Variants in PGAP1 observed in about 807,000 individuals in gnomAD.
The protein encoded by PGAP1 is GPI inositol-deacylase.
In PGAP1, 76 loss-of-function variants were observed where a neutral mutation model predicts 127.0. The ratio of observed to expected loss-of-function variants is 0.60; its 90% CI spans 0.50 to 0.72. PGAP1 has a LOEUF of 0.72. Among genes scored for constraint, PGAP1 ranks in the 30% least tolerant of loss-of-function variants. The pLI is 0.00. For missense variants in PGAP1, 982 were observed against 1,071.3 expected (o/e 0.92, Z 1.16); for synonymous variants, 362 against 366.5 (o/e 0.99, Z 0.14).
intron 21 of PGAP1, chr2:196,847,458 CTTTTTT>C: frequency 7.4e-6 from 1 of 135,896 alleles, no homozygotes; most frequent in Non-Finnish European, 1.5e-5. Flanking sequence ...GTAATATGTT[CTTTTTT>C]TTTTTTTTTT....
chr2:196,898,345 C>T lies in PGAP1; in HGVS notation c.832G>A (p.Val278Ile). Reference protein sequence around the residue: ...VVSSAVPKTWVSTDHLSIVWC... With the variant: ...VVSSAVPKTWISTDHLSIVWC... ...ACAATGGAGAGGTGGTCTGTTGAGACCCAGGTCTTAGGCACTGCTGAACTC... is the reference window on the plus strand; with the variant it reads ...ACAATGGAGAGGTGGTCTGTTGAGATCCAGGTCTTAGGCACTGCTGAACTC... Residue 278 changes from valine to isoleucine, a missense_variant, in exon 6 of 27, where the codon GTC becomes ATC. Coordinates refer to ENST00000354764, the MANE Select transcript of PGAP1 (RefSeq NM_024989.4). The T allele has an allele frequency of 2.5e-6, 4 of 1,611,132 alleles. No homozygotes were observed. Among genetic ancestry groups the T allele is most frequent in the Non-Finnish European group, 3.4e-6 (4 of 1,178,082 alleles).
chr2:196,904,844 G>A (rs940771008), intron 4 of PGAP1, among the ~76,000 whole-genome samples: 1 of 152,150 alleles, frequency 6.6e-6, no homozygotes, highest in African/African-American at 2.4e-5. Context: ...CTGTGGGAAA[G>A]GCTAGGGGCA....
At chr2:196,847,323 T>C (rs985168184) in intron 21 of PGAP1, 123 bp from the exon 22 acceptor site, 2 of 700,648 alleles carry the variant, frequency 2.9e-6, no homozygotes, top group South Asian at 2.3e-5. Flanking sequence ...TTTATAATTA[T>C]ACTGAAAAAC....
intron 21 of PGAP1, chr2:196,847,412 T>C (rs952454051): frequency 1.7e-5 from 7 of 418,994 alleles, no homozygotes; most frequent in Non-Finnish European, 3.0e-5. Flanking sequence ...TGCATTTCAG[T>C]ATAGCTTTAC....
chr2:196,883,041 C>T (rs917005681), intron 12 of PGAP1, among the ~76,000 whole-genome samples: 64 of 152,098 alleles, frequency 4.2e-4, no homozygotes, highest in Admixed American at 4.2e-3. Flanking sequence ...AATACCTAGT[C>T]TACTGAGAGT....
At chr2:196,867,290 C>T (rs1487463884) in intron 19 of PGAP1, among the ~76,000 whole-genome samples, 2 of 152,150 alleles carry the variant, frequency 1.3e-5, no homozygotes, top group East Asian at 3.8e-4. Flanking sequence ...GAATACTATG[C>T]AGCCATAAAA....
At chr2:196,842,959 G>A in intron 25 of PGAP1, 134 bp from the exon 26 acceptor site, 1 of 383,926 alleles carries the variant, frequency 2.6e-6, no homozygotes, top group African/African-American at 2.1e-5. Flanking sequence ...AATAGTTCAT[G>A]AAATATCTGA....
chr2:196,879,957 G>T, intron 13 of PGAP1, 119 bp downstream of exon 13: 1 of 713,948 alleles, frequency 1.4e-6, no homozygotes, highest in Non-Finnish European at 2.4e-6. Context: ...GTCTTAGGTG[G>T]ATCATCAAAC....
intron 2 of PGAP1, among the ~76,000 whole-genome samples, chr2:196,918,117 C>T (rs1703074699): frequency 6.6e-6 from 1 of 152,098 alleles, no homozygotes. Flanking sequence ...CATTCTTGCC[C>T]TTCAAAGGAA....
chr2:196,871,172 T>G (rs1265831357), intron 18 of PGAP1, among the ~76,000 whole-genome samples, 193 bp from the exon 19 acceptor site: 1 of 152,142 alleles, frequency 6.6e-6, no homozygotes, highest in Non-Finnish European at 1.5e-5. Context: ...AGTGTTACTG[T>G]TTAGTATACT....
chr2:196,862,376 A>T lies in PGAP1; in HGVS notation c.1861+2611T>A, dbSNP rs1701097699. On this transcript the variant is annotated intron_variant, in intron 20 of 26. Coordinates refer to ENST00000354764, the MANE Select transcript of PGAP1 (RefSeq NM_024989.4). Reference sequence around the variant, plus strand: ...GCTCTCAAAACCCTGTCTCCTGATAAGATGTTATCAATGACAATGGTGCCC... The same window carrying T: ...GCTCTCAAAACCCTGTCTCCTGATATGATGTTATCAATGACAATGGTGCCC... Among the ~76,000 whole-genome samples, 5 of 152,130 alleles carry T rather than the reference A, an allele frequency of 3.3e-5. No homozygotes were observed. The South Asian group carries it at 1.0e-3, about 31-fold the overall frequency.
intron 8 of PGAP1, among the ~76,000 whole-genome samples, chr2:196,892,795 G>T (rs1702143192): frequency 6.6e-6 from 1 of 152,006 alleles, no homozygotes; most frequent in African/African-American, 2.4e-5. Flanking sequence ...GAAGAATGAA[G>T]AATAACTGAT....
intron 20 of PGAP1, among the ~76,000 whole-genome samples, chr2:196,848,380 T>C (rs1700618569): frequency 1.3e-5 from 2 of 152,214 alleles, no homozygotes; most frequent in African/African-American, 4.8e-5. Context: ...TAGTGGTTTT[T>C]AGTATATTCA....
intron 14 of PGAP1, chr2:196,874,041 GCTT>G: frequency 3.9e-6 from 1 of 253,292 alleles, no homozygotes; most frequent in Non-Finnish European, 7.5e-6. Flanking sequence ...TATTTTACAA[GCTT>G]CTTATCTTCA....
At chr2:196,899,806 G>C (rs1195537887) in intron 5 of PGAP1, among the ~76,000 whole-genome samples, 1 of 149,182 alleles carries the variant, frequency 6.7e-6, no homozygotes, top group African/African-American at 2.6e-5. Context: ...GGCCGAGGCG[G>C]GTGGATCACC....
chr2:196,880,201 C>T, intron 12 of PGAP1, 48 bp from the exon 13 acceptor site: 1 of 1,154,596 alleles, frequency 8.7e-7, no homozygotes, highest in Non-Finnish European at 1.2e-6. Context: ...GAGATTAATG[C>T]ATGTTTAAAG....
chr2:196,896,158 A>T (rs1397912222), intron 7 of PGAP1, among the ~76,000 whole-genome samples: 1 of 152,218 alleles, frequency 6.6e-6, no homozygotes, highest in Non-Finnish European at 1.5e-5. Flanking sequence ...AAAGGATACT[A>T]TGATTTCCAT....
At chr2:196,922,614 AC>A (rs1703238534) in intron 1 of PGAP1, 4 of 779,980 alleles carry the variant, frequency 5.1e-6, no homozygotes, top group African/African-American at 1.9e-5. Context: ...ACACACACAC[AC>A]AACAAAGCTT....
chr2:196,844,906 T>C (rs1380628322), intron 23 of PGAP1, among the ~76,000 whole-genome samples: 1 of 152,108 alleles, frequency 6.6e-6, no homozygotes, highest in Non-Finnish European at 1.5e-5. Flanking sequence ...TGCTTTGTTA[T>C]AGCAACTTAA....
Sources: allele counts gnomAD v4.1 joint callset (sites outside exome capture counted in the v4.1 genomes callset), GRCh38; gene constraint gnomAD v4.1.1; transcripts MANE v1.5; gene names NCBI Gene and HGNC (gene_info 2026-07-23, HGNC 2026-07-21).